CAPRIN2: variants seen among roughly 807,000 people sequenced by gnomAD.
CAPRIN2 encodes the protein caprin family member 2, also known as caprin-2.
Under a neutral mutation model 130.4 loss-of-function variants are expected in CAPRIN2, and 66 were observed. That is an observed-to-expected ratio of 0.51 (90% CI 0.42 to 0.62). The LOEUF (loss-of-function observed/expected upper bound fraction) is 0.62, where lower values mean the gene tolerates loss of function less well. CAPRIN2 is among the 20% of genes least tolerant of loss of function. CAPRIN2 has a pLI of 0.00. For missense variants in CAPRIN2, 1,185 were observed against 1,246.6 expected, an observed-to-expected ratio of 0.95 and a Z score of 0.74; for synonymous variants, 471 against 444.1, an observed-to-expected ratio of 1.06 and a Z score of -0.76.
At chr12:30,715,273 T>C (rs2057109477) in intron 13 of CAPRIN2, 132 bp from the exon 16 acceptor site, 1 of 687,294 alleles carries the variant, frequency 1.5e-6, no homozygotes, top group Non-Finnish European at 2.5e-6. Flanking sequence ...CATATATTCA[T>C]GTATATAATT....
intron 9 of CAPRIN2, 55 bp downstream of exon 10, chr12:30,725,911 G>C (rs1204829505): frequency 7.2e-7 from 1 of 1,386,658 alleles, no homozygotes; most frequent in Non-Finnish European, 9.6e-7. Flanking sequence ...TCACTGTAAT[G>C]TTTCCAGTCA....
At chr12:30,722,685 G>A (rs1341133921) in intron 11 of CAPRIN2, among the ~76,000 whole-genome samples, 1 of 152,078 alleles carries the variant, frequency 6.6e-6, no homozygotes, top group Admixed American at 6.6e-5. Flanking sequence ...TGGATCACGA[G>A]GTCAGGAGCT....
intron 14 of CAPRIN2, 49 bp from the exon 17 acceptor site, chr12:30,713,934 A>G (rs1219374109): frequency 9.1e-7 from 1 of 1,096,328 alleles, no homozygotes; most frequent in Non-Finnish European, 1.4e-6. Context: ...ATCATATTAA[A>G]CTTTTAAACA....
At chr12:30,716,676 C>G (rs2057682982) in exon 13 of CAPRIN2, 4 of 1,612,926 alleles carry the variant, frequency 2.5e-6, no homozygotes, top group Non-Finnish European at 3.4e-6. Flanking sequence ...ACGTTAAATA[C>G]CTTAAAAGAC....
intron 12 of CAPRIN2, among the ~76,000 whole-genome samples, chr12:30,718,733 T>C (rs1404144908): frequency 1.3e-5 from 2 of 152,238 alleles, no homozygotes; most frequent in Admixed American, 6.5e-5. Flanking sequence ...GGAATAATAC[T>C]AGTAAAGATA....
At chr12:30,712,977 A>C (rs1179688709) in intron 15 of CAPRIN2, among the ~76,000 whole-genome samples, 1 of 152,048 alleles carries the variant, frequency 6.6e-6, no homozygotes, top group Non-Finnish European at 1.5e-5. Context: ...CCTGACCTCA[A>C]GTGATCCACC....
intron 10 of CAPRIN2, among the ~76,000 whole-genome samples, chr12:30,724,096 C>T (rs2060195220): frequency 6.6e-6 from 1 of 152,208 alleles, no homozygotes; most frequent in Admixed American, 6.5e-5. Context: ...TCAGAATTCA[C>T]TCCACCAACA....
rs17687791 is a variant in CAPRIN2, at chr12:30,710,668, G to C, written c.2666-198C>G. On this transcript the variant is annotated intron_variant, in intron 16 of 16. Coordinates refer to ENST00000298892, the Ensembl canonical transcript of CAPRIN2. The surrounding 1 kb of genome is among the most constrained non-coding windows in gnomAD (Gnocchi z 4.8). The stretch of plus-strand genomic sequence containing the variant: ...TACATACTCTTCTAAAGCCAGAAAG[G>C]TCCAAGATAATCTTGTCTAACTGAT... 0.06 allele frequency among the ~76,000 whole-genome samples: 9,134 copies of C among 152,250 alleles called. 361 individuals are homozygous for C. The highest frequency in any genetic ancestry group is 0.12 in the Middle Eastern group (36 of 294).
chr12:30,738,230 A>T (rs1241593055), intron 3 of CAPRIN2, among the ~76,000 whole-genome samples: 1 of 152,118 alleles, frequency 6.6e-6, no homozygotes, highest in African/African-American at 2.4e-5. Flanking sequence ...TCTCAAACAC[A>T]GGCAAGTAAA....
exon 13 of CAPRIN2, chr12:30,716,609 G>C (rs1372841998): frequency 6.2e-7 from 1 of 1,613,992 alleles, no homozygotes; most frequent in Non-Finnish European, 8.5e-7. Context: ...ATTGTAGCCA[G>C]GTGAATAAGG....
intron 2 of CAPRIN2, among the ~76,000 whole-genome samples, chr12:30,744,500 C>T (rs1050110979): frequency 6.6e-6 from 1 of 152,194 alleles, no homozygotes; most frequent in Non-Finnish European, 1.5e-5. Context: ...TCTGTTCCTT[C>T]TCAGAGCCTT....
chr12:30,747,468 G>A (rs557316716), intron 2 of CAPRIN2, among the ~76,000 whole-genome samples: 1 of 151,918 alleles, frequency 6.6e-6, no homozygotes, highest in South Asian at 2.1e-4. Flanking sequence ...ACCTGTGGTC[G>A]GGAGTTCGAG....
chr12:30,735,054 A>C, exon 4 of CAPRIN2: 1 of 1,614,194 alleles, frequency 6.2e-7, no homozygotes, highest in South Asian at 1.1e-5. Flanking sequence ...ACACTGCACC[A>C]TTCAAACCCC....
In CAPRIN2 at chr12:30,743,901, C is replaced by T. The variant is rs183778640; in HGVS notation, c.484-2795G>A. ...GCGGTCATACAGGTGATATTTCTAT[C>T]GGCTAAACTTCTCCATGCTCCAGTC... On this transcript the variant is annotated intron_variant, in intron 2 of 16. Transcript: ENST00000298892. Among the ~76,000 whole-genome samples the T allele has an allele frequency of 2.0e-4, 30 of 152,258 alleles. No homozygotes were observed. In the East Asian group the frequency reaches 3.7e-3, roughly 19 times the overall value.
chr12:30,728,866 C>G (rs377711738), exon 8 of CAPRIN2: 2 of 1,614,060 alleles, frequency 1.2e-6, no homozygotes, highest in South Asian at 2.2e-5. Context: ...GTGTTCTGTT[C>G]GCTCTGCATG....
chr12:30,716,251 T>C (rs906668590), intron 13 of CAPRIN2: 9 of 363,670 alleles, frequency 2.5e-5, no homozygotes, highest in Admixed American at 9.8e-5. Flanking sequence ...TCAAAGCAAA[T>C]AGATTTAAAA....
At chr12:30,719,546 T>C (rs2058725578) in intron 12 of CAPRIN2, 1 of 210,346 alleles carries the variant, frequency 4.8e-6, no homozygotes, top group Non-Finnish European at 9.4e-6. Flanking sequence ...CCTAATATTA[T>C]TCAAAATTTA....
chr12:30,724,770 C>A (rs906981233), intron 9 of CAPRIN2, among the ~76,000 whole-genome samples: 1 of 152,106 alleles, frequency 6.6e-6, no homozygotes, highest in Non-Finnish European at 1.5e-5. Flanking sequence ...GTAGAAGGAT[C>A]GCTTGAGCTC....
chr12:30,714,374 G>A (rs1479070139), intron 14 of CAPRIN2, among the ~76,000 whole-genome samples: 2 of 152,142 alleles, frequency 1.3e-5, no homozygotes, highest in Admixed American at 1.3e-4. Context: ...TGTAGAGGTA[G>A]GGTCTCACTA....
Sources: allele counts gnomAD v4.1 joint callset (sites outside exome capture counted in the v4.1 genomes callset), GRCh38; gene constraint gnomAD v4.1.1; non-coding constraint Gnocchi (gnomAD v3.1); transcripts MANE v1.5; gene names NCBI Gene and HGNC (gene_info 2026-07-23, HGNC 2026-07-21).